SKAP2: variants seen among roughly 807,000 people sequenced by gnomAD.
The protein encoded by SKAP2 is src kinase associated phosphoprotein 2, also known as src kinase-associated phosphoprotein 2.
Under a neutral mutation model 54.9 loss-of-function variants are expected in SKAP2, and 28 were observed. The observed-to-expected ratio is 0.51, with a 90% CI of 0.38 to 0.70. SKAP2 has a LOEUF of 0.70. Ranked by LOEUF, SKAP2 falls within the 30% of genes least tolerant of loss-of-function variation. The pLI is 0.00. For missense variants in SKAP2, 356 were observed against 424.1 expected, an observed-to-expected ratio of 0.84 and a Z score of 1.41; for synonymous variants, 137 against 134.3, an observed-to-expected ratio of 1.02 and a Z score of -0.14.
intron 6 of SKAP2, among the ~76,000 whole-genome samples, chr7:26,730,864 G>A (rs553801403): frequency 6.6e-6 from 1 of 152,220 alleles, no homozygotes; most frequent in African/African-American, 2.4e-5. Flanking sequence ...CTGTGTTCTG[G>A]GGGTTTTTTA....
rs376577431 is a variant in SKAP2, at chr7:26,784,125, C to CAAAA, written c.308-44165_308-44162dup. Among the ~76,000 whole-genome samples the CAAAA allele has an allele frequency of 1.7e-3, 240 of 138,848 alleles. 1 individual carries two copies. The highest frequency in any genetic ancestry group is 5.6e-3 in the African/African-American group (209 of 37,568). 91.1% of individuals were successfully genotyped at this position (138,848 alleles called of 152,430 possible). A position where few individuals can be genotyped will look rare whatever the true frequency, so the allele number is the denominator to read the frequency against. On this transcript the variant is annotated intron_variant, in intron 4 of 12. Transcript: ENST00000345317. ...ACTAACCTTGGGCACAGGGACATTC[C>CAAAA]AAAAAAAAAAAAAATTATGTAAACG...
intron 1 of SKAP2, among the ~76,000 whole-genome samples, chr7:26,862,122 G>A (rs988751760): frequency 2.0e-5 from 3 of 151,854 alleles, no homozygotes; most frequent in Non-Finnish European, 2.9e-5. Flanking sequence ...CTTCTATAAT[G>A]TTACTCTAAA....
At chr7:26,698,495 T>TA (rs1488489390) in intron 9 of SKAP2, among the ~76,000 whole-genome samples, 2 of 152,134 alleles carry the variant, frequency 1.3e-5, no homozygotes, top group East Asian at 1.9e-4. Context: ...GGCATAAAAG[T>TA]AAAAAAATGA....
intron 11 of SKAP2, among the ~76,000 whole-genome samples, chr7:26,677,394 T>TAAAAAAAAA (rs1322136047): frequency 2.7e-4 from 20 of 72,954 alleles, no homozygotes; most frequent in African/African-American, 1.1e-3. Context: ...TCTGTCTCAA[T>TAAAAAAAAA]AAAAAAAAAA....
rs146084289 is a variant in SKAP2 at position 26,762,110 on chromosome 7, C to T, written c.308-22146G>A. The stretch of plus-strand genomic sequence containing the variant: ...CTGGTACATTTAAATTATGATATTG[C>T]AAAGTTCAATTTATTCATAGCTTTT... On this transcript the variant is annotated intron_variant, in intron 4 of 12. Coordinates refer to ENST00000345317, the MANE Select transcript of SKAP2 (RefSeq NM_003930.5). Among the ~76,000 whole-genome samples the T allele has an allele frequency of 7.9e-5, 12 of 151,998 alleles. No homozygotes were observed. The South Asian group carries it at 2.5e-3, about 32-fold the overall frequency.
At chr7:26,664,821 G>A (rs980014272), downstream of SKAP2, among the ~76,000 whole-genome samples, 5 of 151,812 alleles carry the variant, frequency 3.3e-5, no homozygotes, top group Non-Finnish European at 7.4e-5. Flanking sequence ...GGCTTTGGGA[G>A]CAGTTTCTAT....
At chr7:26,836,896 A>G (rs1378403901) in intron 4 of SKAP2, among the ~76,000 whole-genome samples, 1 of 152,250 alleles carries the variant, frequency 6.6e-6, no homozygotes, top group African/African-American at 2.4e-5. Flanking sequence ...ACGTATGTTT[A>G]TCACAGCACT....
intron 4 of SKAP2, among the ~76,000 whole-genome samples, chr7:26,768,970 T>C (rs148991080): frequency 0.037 from 5,561 of 152,268 alleles, 335 homozygotes; most frequent in African/African-American, 0.13. Flanking sequence ...CTTTGTGGTG[T>C]TCTATGTGTT....
intron 4 of SKAP2, among the ~76,000 whole-genome samples, chr7:26,802,474 T>C (rs555985889): frequency 2.9e-4 from 44 of 152,122 alleles, no homozygotes; most frequent in African/African-American, 1.1e-3. Context: ...TTTCTCCATG[T>C]TGGTCAGGCT....
chr7:26,676,483 T>C (rs978137213), intron 11 of SKAP2, among the ~76,000 whole-genome samples: 1 of 152,322 alleles, frequency 6.6e-6, no homozygotes, highest in Non-Finnish European at 1.5e-5. Flanking sequence ...ATTTTTCCTT[T>C]GGGCTTTTAT....
intron 4 of SKAP2, among the ~76,000 whole-genome samples, chr7:26,820,523 G>C (rs911795481): frequency 6.6e-6 from 1 of 151,986 alleles, no homozygotes; most frequent in East Asian, 1.9e-4. Flanking sequence ...GGTTCATTTT[G>C]ATCAAATTCT....
chr7:26,779,852 G>A (rs1395965241), intron 4 of SKAP2, among the ~76,000 whole-genome samples: 1 of 151,982 alleles, frequency 6.6e-6, no homozygotes, highest in Admixed American at 6.6e-5. Context: ...AATCCAATCT[G>A]CTAAAGTCAT....
chr7:26,658,374 T>C, the SKAP2 span, among the ~76,000 whole-genome samples: 1 of 152,206 alleles, frequency 6.6e-6, no homozygotes, highest in South Asian at 2.1e-4. Context: ...TCATTTTACG[T>C]GGCAATTTGC....
intron 11 of SKAP2, among the ~76,000 whole-genome samples, chr7:26,682,750 C>A (rs1036584113): frequency 1.3e-5 from 2 of 152,216 alleles, no homozygotes; most frequent in African/African-American, 2.4e-5. Context: ...TGGGCTGGAA[C>A]ACCTTTAACC....
At chr7:26,658,237 T>G in the SKAP2 span, among the ~76,000 whole-genome samples, 1 of 152,214 alleles carries the variant, frequency 6.6e-6, no homozygotes, top group Non-Finnish European at 1.5e-5. Flanking sequence ...CCAATTTGTT[T>G]AGCTGATCAC....
chr7:26,709,944 T>C (rs934055943), intron 9 of SKAP2, among the ~76,000 whole-genome samples: 1 of 152,300 alleles, frequency 6.6e-6, no homozygotes, highest in East Asian at 1.9e-4. Flanking sequence ...ACTCTGCCCA[T>C]TGGAATAGTA....
At chr7:26,796,894 C>CTAG (rs1018350098) in intron 4 of SKAP2, among the ~76,000 whole-genome samples, 7 of 152,256 alleles carry the variant, frequency 4.6e-5, no homozygotes, top group African/African-American at 1.7e-4. Context: ...CATCCCTAAA[C>CTAG]CCTCACATTG....
chr7:26,833,080 T>TA (rs1191261483), intron 4 of SKAP2, among the ~76,000 whole-genome samples: 5 of 152,078 alleles, frequency 3.3e-5, no homozygotes, highest in African/African-American at 1.2e-4. Context: ...CAGATAACTC[T>TA]AGACTCCCTA....
intron 4 of SKAP2, among the ~76,000 whole-genome samples, chr7:26,771,727 T>C (rs924367286): frequency 1.3e-5 from 2 of 152,218 alleles, no homozygotes; most frequent in African/African-American, 4.8e-5. Context: ...TTAGTAGATT[T>C]TGAAAACAAT....
Sources: gnomAD v4.1 joint callset for allele counts (sites outside exome capture counted in the v4.1 genomes callset) on GRCh38, gnomAD v4.1.1 for gene constraint, MANE v1.5 for transcripts, NCBI Gene and HGNC (gene_info 2026-07-23, HGNC 2026-07-21) for gene names.